Variants in TPCN2 observed in about 807,000 individuals in gnomAD.
TPCN2 encodes two pore segment channel 2, also known as two pore channel protein 2.
Under a neutral mutation model 111.4 loss-of-function variants are expected in TPCN2, and 92 were observed. That is an observed-to-expected ratio of 0.83 (90% confidence interval 0.70 to 0.98). The LOEUF (loss-of-function observed/expected upper bound fraction) is 0.98. Ranked by LOEUF, TPCN2 falls within the 50% of genes least tolerant of loss-of-function variation. The probability of loss-of-function intolerance (pLI) is 0.00; values close to 1 mark genes in which losing one functional copy is unlikely to be tolerated. For synonymous variants in TPCN2, 405 were observed against 414.5 expected (o/e 0.98, Z 0.28); for missense variants, 995 against 980.1 (o/e 1.02, Z -0.20).
chr11:69,072,779 C>T, intron 12 of TPCN2, 71 bp downstream of exon 12: 2 of 1,586,400 alleles, frequency 1.3e-6, no homozygotes, highest in East Asian at 2.2e-5. Flanking sequence ...AGCCCCTTTT[C>T]AGGACTAGGG....
chr11:69,062,926 C>T lies in TPCN2; in HGVS notation c.589C>T (p.Gln197Ter). The change falls in exon 6 of 25, where the codon CAG (glutamine) becomes TAG (stop). Residue 197 changes from glutamine (Q) to a stop codon, truncating the protein, a stop_gained. Coordinates refer to ENST00000294309, the MANE Select transcript of TPCN2 (RefSeq NM_139075.4). LOFTEE classifies it high-confidence loss of function. ...RRLLRPFFLL[Q>*]NSSMMKKTLK... ...GCTTCTCCGTCCCTTCTTCCTGCTG[C>T]AGAACTCCTCTATGATGAAGAAGAC... 1.2e-6 allele frequency: 2 copies of T among 1,614,042 alleles called. No individual in the cohort carries two copies. The highest frequency in any genetic ancestry group is 1.1e-5 in the South Asian group (1 of 91,080).
rs1481334117 is a variant in TPCN2, at chr11:69,089,868, C to T, written c.*1915C>T. 1 of 152,238 alleles carries T rather than the reference C, an allele frequency of 6.6e-6. No homozygotes were observed. The highest frequency in any genetic ancestry group is 1.5e-5 in the Non-Finnish European group (1 of 68,052). 9.4% of individuals were successfully genotyped at this position (152,238 alleles called of 1,614,324 possible). Reference sequence around the variant, plus strand: ...CTGTTATGACATTTACTCTCAGGCTCAGGTCCTGCTTGTTTGGCCCGTGGG... The same window carrying T: ...CTGTTATGACATTTACTCTCAGGCTTAGGTCCTGCTTGTTTGGCCCGTGGG... On this transcript the variant is annotated 3_prime_UTR_variant, in exon 25 of 25. Transcript: ENST00000294309.
At chr11:69,070,063 C>T (rs572181065) in intron 8 of TPCN2, among the ~76,000 whole-genome samples, 2 of 149,118 alleles carry the variant, frequency 1.3e-5, no homozygotes, top group East Asian at 4.0e-4. Flanking sequence ...CATGCTCTGT[C>T]ACCCAGACTG....
intron 5 of TPCN2, among the ~76,000 whole-genome samples, chr11:69,059,466 G>T (rs980593657): frequency 6.6e-6 from 1 of 152,232 alleles, no homozygotes; most frequent in African/African-American, 2.4e-5. Context: ...CACTCCCATT[G>T]CCCTTGCCTG....
At chr11:69,065,978 G>A (rs957369680) in intron 7 of TPCN2, among the ~76,000 whole-genome samples, 7 of 152,084 alleles carry the variant, frequency 4.6e-5, no homozygotes, top group African/African-American at 7.2e-5. Context: ...CTGAATTGTA[G>A]AGGAGGAGCG....
intron 18 of TPCN2, among the ~76,000 whole-genome samples, chr11:69,082,238 GC>G (rs1450710378): frequency 3.3e-5 from 5 of 152,132 alleles, no homozygotes; most frequent in African/African-American, 1.2e-4. Context: ...CATAATTACA[GC>G]CATACAAGCA....
chr11:69,077,928 C>T (rs191174708), intron 13 of TPCN2, among the ~76,000 whole-genome samples: 107 of 152,318 alleles, frequency 7.0e-4, no homozygotes, highest in African/African-American at 2.5e-3. Context: ...GGTCTCCTTG[C>T]TGAGAAATGT....
intron 18 of TPCN2, among the ~76,000 whole-genome samples, chr11:69,083,684 T>C (rs1480925980): frequency 6.6e-6 from 1 of 152,102 alleles, no homozygotes; most frequent in Non-Finnish European, 1.5e-5. Flanking sequence ...CGGGTGGCGA[T>C]GCAAGCGTGT....
intron 9 of TPCN2, among the ~76,000 whole-genome samples, chr11:69,070,748 A>C (rs1480859579): frequency 7.5e-5 from 9 of 120,630 alleles, no homozygotes; most frequent in Non-Finnish European, 1.4e-4. Flanking sequence ...ATCCCCCACC[A>C]ACAGCTTCAC....
Position 69,054,769 on chromosome 11 carries a change from C to T in TPCN2, c.223C>T (p.Arg75Ter), listed in dbSNP as rs762636781. 8.1e-6 allele frequency: 13 copies of T among 1,614,138 alleles called. No homozygotes were observed. Among genetic ancestry groups the T allele is most frequent in the Admixed American group, 5.0e-5 (3 of 60,024 alleles). Residue 75 changes from arginine to a stop codon, truncating the protein, a stop_gained, in exon 3 of 25, where the codon CGA becomes TGA. Coordinates refer to ENST00000294309, the MANE Select transcript of TPCN2 (RefSeq NM_139075.4). LOFTEE classifies it high-confidence loss of function. Reference protein sequence around the residue: ...RVDASSMWLYRRYYSNVCQRT... With the variant: ...RVDASSMWLY ...GGATGCCAGCTCGATGTGGCTTTAC[C>T]GACGGTATTACTCGAACGTATGCCA...
rs563090100 is a variant in TPCN2 at position 69,061,374 on chromosome 11, G to A, written c.547-1510G>A. ...ATGGGCAGAGCTGTGGGCAGTTGTC[G>A]GAGGGTTTTGGTTTTGTGCAAGGAG... On this transcript the variant is annotated intron_variant, in intron 5 of 24. Transcript: ENST00000294309. 1.6e-3 allele frequency among the ~76,000 whole-genome samples: 243 copies of A among 152,310 alleles called. 1 individual carries two copies. Among genetic ancestry groups the A allele is most frequent in the African/African-American group, 5.6e-3 (234 of 41,558 alleles).
At chr11:69,064,955 G>C in intron 7 of TPCN2, among the ~76,000 whole-genome samples, 1 of 117,172 alleles carries the variant, frequency 8.5e-6, no homozygotes, top group Non-Finnish European at 2.1e-5. Context: ...ATGTGTGCAT[G>C]TGTAGTGTCT....
intron 16 of TPCN2, 48 bp from the exon 17 acceptor site, chr11:69,079,786 C>G: frequency 6.4e-7 from 1 of 1,570,334 alleles, no homozygotes; most frequent in South Asian, 1.1e-5. Flanking sequence ...AAGGGCCGCC[C>G]AGATTAGTGT....
intron 10 of TPCN2, 48 bp downstream of exon 10, chr11:69,071,468 C>T (rs1337407763): frequency 2.6e-6 from 4 of 1,555,344 alleles, no homozygotes; most frequent in Non-Finnish European, 3.5e-6. Context: ...GCCGGGAGGC[C>T]AAGCAGGGTG....
intron 17 of TPCN2, 103 bp downstream of exon 17, chr11:69,079,986 A>C (rs1019821032): frequency 3.8e-6 from 4 of 1,049,302 alleles, no homozygotes; most frequent in South Asian, 1.4e-5. Context: ...GTCTGCTCTG[A>C]CTCTAGGGCA....
intron 5 of TPCN2, among the ~76,000 whole-genome samples, chr11:69,060,447 A>T (rs1854970653): frequency 6.6e-6 from 1 of 151,956 alleles, no homozygotes; most frequent in African/African-American, 2.4e-5. Context: ...CTTGTGGCCG[A>T]GTGGGTTGGA....
Position 69,055,326 on chromosome 11 carries a change from G to C in TPCN2, c.403G>C (p.Val135Leu). The change falls in exon 4 of 25, where the codon GTC becomes CTC. Residue 135 changes from valine to leucine, a missense_variant. Physicochemically the swap from Val to Leu is conservative, Grantham distance 32 (BLOSUM62 1). Coordinates refer to ENST00000294309, the MANE Select transcript of TPCN2 (RefSeq NM_139075.4). ...TESVEVLCLL[V>L]FAADLSVKGY... ...GAGTGTCGAGGTGCTCTGCCTGCTGGTCTTTGCGGCCGACCTCTCTGTGAA... is the reference window on the plus strand; with the variant it reads ...GAGTGTCGAGGTGCTCTGCCTGCTGCTCTTTGCGGCCGACCTCTCTGTGAA... The C allele has an allele frequency of 6.2e-7, 1 of 1,612,068 alleles. No homozygotes were observed. Among genetic ancestry groups the C allele is most frequent in the South Asian group, 1.1e-5 (1 of 90,996 alleles).
chr11:69,055,029 G>T, intron 3 of TPCN2, 146 bp from the exon 4 acceptor site: 1 of 956,724 alleles, frequency 1.0e-6, no homozygotes, highest in Non-Finnish European at 1.6e-6. Flanking sequence ...ATGGAGCTTT[G>T]AGCAGATTCG....
chr11:69,076,831 G>C lies in TPCN2; in HGVS notation c.1231-1651G>C, dbSNP rs111200391. ...TCCCTCCACCTGCCCTCCTGCCCTC[G>C]TGCCATGTCCCTCCACTTGCCCTCC... is the stretch of plus-strand genomic sequence containing the variant. On this transcript the variant is annotated intron_variant, in intron 13 of 24. Coordinates refer to ENST00000294309, the MANE Select transcript of TPCN2 (RefSeq NM_139075.4). Among the ~76,000 whole-genome samples the C allele has an allele frequency of 6.6e-3, 125 of 19,076 alleles. 2 individuals carry two copies. Among genetic ancestry groups the C allele is most frequent in the Admixed American group, 0.016 (24 of 1,488 alleles). 12.5% of individuals were successfully genotyped at this position (19,076 alleles called of 152,430 possible).
Sources: gnomAD v4.1 joint callset for allele counts (sites outside exome capture counted in the v4.1 genomes callset) on GRCh38, gnomAD v4.1.1 for gene constraint, MANE v1.5 for transcripts, NCBI Gene and HGNC (gene_info 2026-07-23, HGNC 2026-07-21) for gene names.